The following FER variants were observed in gnomAD, a reference collection of about 807,000 sequenced individuals.
FER encodes FER tyrosine kinase, also known as tyrosine-protein kinase Fer.
In FER, 63 loss-of-function variants were observed where a neutral mutation model predicts 111.0. That is an observed-to-expected ratio of 0.57 (90% confidence interval 0.46 to 0.70). The LOEUF is 0.70. FER is among the 30% of genes least tolerant of loss of function. FER has a pLI of 0.00. For synonymous variants in FER, 327 were observed against 313.9 expected (o/e 1.04, Z -0.44); for missense variants, 914 against 954.0 (o/e 0.96, Z 0.55).
chr5:108,846,496 C>T (rs1762039398), intron 5 of FER, among the ~76,000 whole-genome samples: 1 of 151,996 alleles, frequency 6.6e-6, no homozygotes, highest in Non-Finnish European at 1.5e-5. Flanking sequence ...GTTGTCTTTT[C>T]AGGAATTTGT....
intron 3 of FER, among the ~76,000 whole-genome samples, chr5:108,828,418 C>T (rs936301326): frequency 6.6e-5 from 10 of 152,170 alleles, no homozygotes; most frequent in African/African-American, 2.4e-4. Context: ...GGTACTAACA[C>T]TTCTTTCCGT....
intron 3 of FER, among the ~76,000 whole-genome samples, chr5:108,829,567 A>C (rs995876198): frequency 5.9e-5 from 9 of 152,080 alleles, no homozygotes; most frequent in Non-Finnish European, 1.3e-4. Context: ...TGAGCCTGGG[A>C]GGTTGAGTCT....
intron 13 of FER, among the ~76,000 whole-genome samples, chr5:108,975,552 GATC>G (rs1761226050): frequency 6.6e-6 from 1 of 152,158 alleles, no homozygotes; most frequent in South Asian, 2.1e-4. Flanking sequence ...TAAAGGGTTT[GATC>G]TTTGGGGGCA....
chr5:109,171,701 T>A (rs1208988381), intron 17 of FER, among the ~76,000 whole-genome samples: 1 of 152,176 alleles, frequency 6.6e-6, no homozygotes, highest in African/African-American at 2.4e-5. Context: ...GGTGTATGTT[T>A]TTTAAATCTC....
Position 108,986,347 on chromosome 5 carries a change from C to G in FER, c.1656+27000C>G, listed in dbSNP as rs540249678. 2.7e-5 allele frequency among the ~76,000 whole-genome samples: 4 copies of G among 149,246 alleles called. No homozygotes were observed. The South Asian group carries it at 8.5e-4, about 32-fold the overall frequency. ...TTCATTGTAGATTCTGGATATTAGT[C>G]CTTTTTCAGATGTATAGATTGTGAA... On this transcript the variant is annotated intron_variant, in intron 13 of 19. Transcript: ENST00000281092.
intron 17 of FER, among the ~76,000 whole-genome samples, chr5:109,176,421 T>TA (rs1035159370): frequency 3.3e-5 from 5 of 151,860 alleles, no homozygotes; most frequent in Non-Finnish European, 4.4e-5. Flanking sequence ...ATATGGGAGC[T>TA]AAAAAAATCG....
intron 10 of FER, among the ~76,000 whole-genome samples, chr5:108,916,194 C>T (rs973567703): frequency 1.3e-5 from 2 of 152,194 alleles, no homozygotes; most frequent in Non-Finnish European, 2.9e-5. Flanking sequence ...GGTGTCAAAA[C>T]TCTTCCTTTA....
At chr5:108,941,762 G>C (rs751269311) in intron 10 of FER, among the ~76,000 whole-genome samples, 9 of 152,174 alleles carry the variant, frequency 5.9e-5, no homozygotes, top group Non-Finnish European at 1.3e-4. Context: ...GCATCTTGTA[G>C]TACTGGATAA....
intron 9 of FER, among the ~76,000 whole-genome samples, chr5:108,891,701 C>T (rs1289722202): frequency 6.7e-6 from 1 of 149,160 alleles, no homozygotes; most frequent in Non-Finnish European, 1.5e-5. Flanking sequence ...TTTTAGGGTA[C>T]ATGTGCACAA....
chr5:108,887,415 GA>G (rs1244876274), intron 9 of FER, among the ~76,000 whole-genome samples: 4 of 151,544 alleles, frequency 2.6e-5, no homozygotes, highest in African/African-American at 4.8e-5. Context: ...TAAACTTCAA[GA>G]ATGGCTTTTA....
chr5:108,872,245 A>G, intron 8 of FER, 33 bp downstream of exon 8: 1 of 1,551,452 alleles, frequency 6.4e-7, no homozygotes, highest in South Asian at 1.2e-5. Flanking sequence ...CAGTTTAAAT[A>G]CTAGTATTAT....
intron 1 of FER, among the ~76,000 whole-genome samples, chr5:108,758,331 A>G (rs181300261): frequency 6.6e-6 from 1 of 152,312 alleles, no homozygotes; most frequent in Admixed American, 6.5e-5. Flanking sequence ...GCTCCTAGTA[A>G]TAGCTGTATG....
At chr5:108,871,560 A>G in intron 7 of FER, 58 bp downstream of exon 7, 4 of 1,301,728 alleles carry the variant, frequency 3.1e-6, no homozygotes, top group Non-Finnish European at 4.2e-6. Context: ...TCATTCATAC[A>G]ATAGTTAACC....
At chr5:108,899,287 C>G (rs1581115621) in intron 10 of FER, among the ~76,000 whole-genome samples, 1 of 152,104 alleles carries the variant, frequency 6.6e-6, no homozygotes, top group Admixed American at 6.6e-5. Context: ...TTTCACTGTC[C>G]TAGCTATAAG....
At chr5:108,753,157 C>G (rs975470216) in intron 1 of FER, among the ~76,000 whole-genome samples, 1 of 152,072 alleles carries the variant, frequency 6.6e-6, no homozygotes, top group African/African-American at 2.4e-5. Context: ...AAGTATTCAG[C>G]TTCTGTATTC....
At chr5:108,770,659 A>G (rs1213813903) in intron 2 of FER, among the ~76,000 whole-genome samples, 2 of 152,086 alleles carry the variant, frequency 1.3e-5, no homozygotes, top group Non-Finnish European at 2.9e-5. Context: ...TACATCTGTG[A>G]ACTACAGTGC....
chr5:108,923,120 T>C (rs1045978626), intron 10 of FER, among the ~76,000 whole-genome samples: 1 of 152,074 alleles, frequency 6.6e-6, no homozygotes, highest in African/African-American at 2.4e-5. Context: ...AGATAATCCA[T>C]CTAAAATGCC....
intron 17 of FER, among the ~76,000 whole-genome samples, chr5:109,128,569 C>A (rs543931438): frequency 6.6e-6 from 1 of 152,132 alleles, no homozygotes; most frequent in Non-Finnish European, 1.5e-5. Context: ...TCTCTTGTAG[C>A]ATGCACTTCT....
intron 3 of FER, among the ~76,000 whole-genome samples, chr5:108,800,902 C>A (rs984034284): frequency 1.3e-5 from 2 of 152,094 alleles, no homozygotes; most frequent in Non-Finnish European, 2.9e-5. Context: ...AAAAAATTAG[C>A]CGGGCGTGGT....
Sources: allele counts gnomAD v4.1 joint callset (sites outside exome capture counted in the v4.1 genomes callset), GRCh38; gene constraint gnomAD v4.1.1; transcripts MANE v1.5; gene names NCBI Gene and HGNC (gene_info 2026-07-23, HGNC 2026-07-21).